The following BICD1 variants were observed in gnomAD, a reference collection of about 807,000 sequenced individuals.
BICD1 encodes protein bicaudal D homolog 1.
BICD1 carries 35 observed loss-of-function variants against 92.5 expected under a neutral mutation model. The observed-to-expected ratio is 0.38, with a 90% confidence interval of 0.29 to 0.50. The LOEUF (loss-of-function observed/expected upper bound fraction) is 0.50. BICD1 is among the 20% of genes least tolerant of loss of function. The probability of loss-of-function intolerance (pLI) is 0.93; values close to 1 mark genes in which losing one functional copy is unlikely to be tolerated. For synonymous variants in BICD1, 429 were observed against 465.1 expected (o/e 0.92, Z 1.00); for missense variants, 950 against 1,189.8 (o/e 0.80, Z 2.97).
intron 4 of BICD1, among the ~76,000 whole-genome samples, chr12:32,325,879 G>A (rs1236724528): frequency 1.3e-5 from 2 of 151,680 alleles, no homozygotes; most frequent in South Asian, 2.1e-4. Flanking sequence ...TCAGGAGATC[G>A]AGACTATCCT....
chr12:32,322,499 G>C (rs1948685793), intron 4 of BICD1, among the ~76,000 whole-genome samples: 1 of 152,118 alleles, frequency 6.6e-6, no homozygotes, highest in African/African-American at 2.4e-5. Flanking sequence ...ATCTGATGCT[G>C]CCACTCATCT....
At chr12:32,114,910 C>T (rs1025379491) in intron 1 of BICD1, among the ~76,000 whole-genome samples, 8 of 152,200 alleles carry the variant, frequency 5.3e-5, no homozygotes, top group Non-Finnish European at 1.5e-5. Flanking sequence ...GTTATGGGGG[C>T]TGGGAGCAAC....
intron 1 of BICD1, among the ~76,000 whole-genome samples, chr12:32,172,205 A>G (rs1044238660): frequency 6.6e-6 from 1 of 152,160 alleles, no homozygotes; most frequent in Non-Finnish European, 1.5e-5. Context: ...AGTGAAGGAT[A>G]TAGGTTGTGG....
intron 8 of BICD1, among the ~76,000 whole-genome samples, chr12:32,346,544 A>G (rs1157275989): frequency 1.0e-4 from 2 of 19,078 alleles, no homozygotes; most frequent in African/African-American, 4.2e-4. Flanking sequence ...GTGTATATAT[A>G]TATATATATA....
intron 1 of BICD1, among the ~76,000 whole-genome samples, chr12:32,182,365 C>T (rs1464776160): frequency 6.8e-6 from 1 of 146,666 alleles, no homozygotes; most frequent in East Asian, 2.0e-4. Flanking sequence ...TCACTGCAAC[C>T]TCCACCTCCC....
chr12:32,265,180 C>T (rs1234995353), intron 2 of BICD1, among the ~76,000 whole-genome samples: 1 of 151,870 alleles, frequency 6.6e-6, no homozygotes, highest in Non-Finnish European at 1.5e-5. Context: ...TCATGCTCAT[C>T]CCATCTGTTT....
intron 2 of BICD1, among the ~76,000 whole-genome samples, chr12:32,283,475 A>G (rs708224): frequency 0.51 from 76,900 of 151,802 alleles, 20,138 homozygotes; most frequent in Middle Eastern, 0.64. Flanking sequence ...AGCTATGAGC[A>G]TGCATAGAGA....
intron 4 of BICD1, among the ~76,000 whole-genome samples, chr12:32,318,119 G>A (rs1277277135): frequency 2.0e-5 from 3 of 151,786 alleles, no homozygotes; most frequent in Non-Finnish European, 3.0e-5. Flanking sequence ...CTGTAGCCTT[G>A]TAGTATAGTT....
At chr12:32,361,838 G>A (rs570391060) in intron 8 of BICD1, among the ~76,000 whole-genome samples, 1 of 152,264 alleles carries the variant, frequency 6.6e-6, no homozygotes, top group South Asian at 2.1e-4. Flanking sequence ...AGAGCACTTG[G>A]GCCCAAAGAA....
At chr12:32,362,851 AT>A (rs1238725438) in intron 8 of BICD1, among the ~76,000 whole-genome samples, 2 of 152,122 alleles carry the variant, frequency 1.3e-5, no homozygotes, top group East Asian at 3.8e-4. Context: ...AGCAGGAGAG[AT>A]TTTAAAAAGA....
intron 2 of BICD1, among the ~76,000 whole-genome samples, chr12:32,236,558 C>T (rs886469470): frequency 6.6e-6 from 1 of 152,140 alleles, no homozygotes; most frequent in Non-Finnish European, 1.5e-5. Flanking sequence ...AATAGCCCTA[C>T]AATGGCTTCT....
At chr12:32,227,178 G>A (rs79015388) in intron 2 of BICD1, among the ~76,000 whole-genome samples, 10,934 of 152,304 alleles carry the variant, frequency 0.072, 444 homozygotes, top group Middle Eastern at 0.12. Context: ...AGATGGTAAC[G>A]GGGAGCACGG....
chr12:32,178,536 A>G (rs2121521272), intron 1 of BICD1, among the ~76,000 whole-genome samples: 1 of 152,088 alleles, frequency 6.6e-6, no homozygotes, highest in South Asian at 2.1e-4. Context: ...TAGGGCAGGA[A>G]TGGGATGAAA....
chr12:32,321,762 G>A (rs1461072748), intron 4 of BICD1, among the ~76,000 whole-genome samples: 1 of 152,096 alleles, frequency 6.6e-6, no homozygotes, highest in Non-Finnish European at 1.5e-5. Flanking sequence ...ACTTTTGGAG[G>A]CCAAGGCGGG....
At position 32,301,759 on chromosome 12, in the gene BICD1, A is replaced by C. The variant is rs186035830; in HGVS notation, c.580-3938A>C. On this transcript the variant is annotated intron_variant, in intron 3 of 9. Coordinates refer to ENST00000652176, the MANE Select transcript of BICD1 (RefSeq NM_001714.4). ...CACTGTACTCTAGCCTGGGCAACAG[A>C]GCAAGACCCTGTCACAAACAAACAA... 1.3e-3 allele frequency among the ~76,000 whole-genome samples: 204 copies of C among 152,264 alleles called. 2 individuals carry two copies. Among genetic ancestry groups the C allele is most frequent in the South Asian group, 1.0e-3 (5 of 4,828 alleles).
At chr12:32,299,581 G>A (rs1391233569) in intron 3 of BICD1, among the ~76,000 whole-genome samples, 2 of 152,138 alleles carry the variant, frequency 1.3e-5, no homozygotes, top group Non-Finnish European at 2.9e-5. Flanking sequence ...AAAGAGATCA[G>A]GGCCAGGCAC....
chr12:32,181,902 A>C (rs1433142946), intron 1 of BICD1, among the ~76,000 whole-genome samples: 2 of 152,010 alleles, frequency 1.3e-5, no homozygotes, highest in Admixed American at 1.3e-4. Context: ...ATTGCAGGGA[A>C]AGAAGCAGTC....
intron 1 of BICD1, among the ~76,000 whole-genome samples, chr12:32,157,336 C>A (rs976849653): frequency 6.6e-6 from 1 of 152,140 alleles, no homozygotes; most frequent in Non-Finnish European, 1.5e-5. Flanking sequence ...AATGAAGAAT[C>A]CAGTCCCATT....
At chr12:32,332,141 T>C (rs1565677655) in intron 5 of BICD1, among the ~76,000 whole-genome samples, 1 of 152,208 alleles carries the variant, frequency 6.6e-6, no homozygotes, top group Non-Finnish European at 1.5e-5. Flanking sequence ...AGATACCGCA[T>C]GTTCTCACTT....
Sources: allele counts gnomAD v4.1 joint callset (sites outside exome capture counted in the v4.1 genomes callset), GRCh38; gene constraint gnomAD v4.1.1; transcripts MANE v1.5; gene names NCBI Gene and HGNC (gene_info 2026-07-23, HGNC 2026-07-21).